OGFOD3: variants seen among roughly 807,000 people sequenced by gnomAD.
OGFOD3 encodes 2-oxoglutarate and iron-dependent oxygenase domain-containing protein 3.
A neutral mutation model predicts 39.8 loss-of-function variants in OGFOD3; 35 were observed. That is an observed-to-expected ratio of 0.88 (90% confidence interval 0.67 to 1.17). OGFOD3 has a LOEUF of 1.17. OGFOD3 is among the 50% of genes most tolerant of loss of function. The pLI, the probability that OGFOD3 is intolerant of heterozygous loss-of-function variation, is 0.00. For synonymous variants in OGFOD3, 200 were observed against 192.0 expected, an observed-to-expected ratio of 1.04 and a Z score of -0.34; for missense variants, 438 against 454.5, an observed-to-expected ratio of 0.96 and a Z score of 0.33.
At position 82,409,430 on chromosome 17, in the gene OGFOD3, C is replaced by T. The variant is rs762189090; in HGVS notation, c.381-20G>A. 1 of 1,613,156 alleles carries T rather than the reference C, an allele frequency of 6.2e-7. No homozygotes were observed. The highest frequency in any genetic ancestry group is 1.3e-5 in the African/African-American group (1 of 74,928). ...GCTACGCTGCAGGGAGAAAATAATTCAGAATTTCGTTGCTAGAATTGTCTA... is the reference window on the plus strand; with the variant it reads ...GCTACGCTGCAGGGAGAAAATAATTTAGAATTTCGTTGCTAGAATTGTCTA... On this transcript the variant is annotated intron_variant, in intron 3 of 8. Coordinates refer to ENST00000313056, the MANE Select transcript of OGFOD3 (RefSeq NM_024648.3).
intron 7 of OGFOD3, among the ~76,000 whole-genome samples, chr17:82,399,928 G>A (rs1158258200): frequency 6.6e-6 from 1 of 152,192 alleles, no homozygotes; most frequent in Non-Finnish European, 1.5e-5. Flanking sequence ...GGGGGATGGA[G>A]CCGCACCAGC....
In OGFOD3 at chr17:82,404,046, C is replaced by T. The variant is rs769273019; in HGVS notation, c.590G>A (p.Gly197Asp). Residue 197 changes from glycine (G) to aspartate (D), a missense_variant, in exon 7 of 9, where the codon GGC becomes GAC. By Grantham distance (94) the Gly-to-Asp change is moderately conservative. Transcript: ENST00000313056. The surrounding 1 kb of genome is among the most constrained non-coding windows in gnomAD (Gnocchi z 4.5). ...CAGATGCAGCGAGGATGCGCTGATGCCAAAAGCCTCAGCAATGGTGAGCTG... is the reference window on the plus strand; with the variant it reads ...CAGATGCAGCGAGGATGCGCTGATGTCAAAAGCCTCAGCAATGGTGAGCTG... ...KVQLTIAEAF[G>D]ISASSLHLTK... The T allele has an allele frequency of 4.3e-6, 7 of 1,609,472 alleles. No individual in the cohort carries two copies. The highest frequency in any genetic ancestry group is 4.2e-6 in the Non-Finnish European group (5 of 1,178,012).
At chr17:82,418,071 C>T (rs531269770) in intron 1 of OGFOD3, among the ~76,000 whole-genome samples, 1 of 152,244 alleles carries the variant, frequency 6.6e-6, no homozygotes. Context: ...ACTTTCCAGG[C>T]TGCTGGGTGG....
intron 8 of OGFOD3, among the ~76,000 whole-genome samples, chr17:82,397,114 T>C (rs2052684802): frequency 6.6e-6 from 1 of 151,998 alleles, no homozygotes; most frequent in Non-Finnish European, 1.5e-5. Context: ...CAAACTGAGC[T>C]TGCAAACTGA....
At chr17:82,401,822 A>AAAAAAAAC (rs2052771225) in intron 7 of OGFOD3, among the ~76,000 whole-genome samples, 1 of 144,702 alleles carries the variant, frequency 6.9e-6, no homozygotes, top group South Asian at 2.4e-4. Context: ...AAAAAAAAAA[A>AAAAAAAAC]ACAAAGACTG....
intron 8 of OGFOD3, among the ~76,000 whole-genome samples, chr17:82,394,761 G>A (rs2052646555): frequency 6.6e-6 from 1 of 152,190 alleles, no homozygotes; most frequent in Non-Finnish European, 1.5e-5. Context: ...CTTATGGTGG[G>A]ACGTGGGCCA....
chr17:82,392,339 C>T lies in OGFOD3; in HGVS notation c.*59G>A, dbSNP rs539756493. On this transcript the variant is annotated 3_prime_UTR_variant, in exon 9 of 9. Transcript: ENST00000313056. The surrounding 1 kb of genome is among the most constrained non-coding windows in gnomAD (Gnocchi z 4.2). ...GCGGGTGGACGTGGGGGTGGGTGCA[C>T]GACTGGCGCGGCTGCCTCCACACGG... 13 of 1,567,568 alleles carry T rather than the reference C, an allele frequency of 8.3e-6. No homozygotes were observed. The highest frequency in any genetic ancestry group is 5.4e-5 in the African/African-American group (4 of 74,228).
In OGFOD3 at chr17:82,404,671, T is replaced by A. The variant is rs1200019620; in HGVS notation, c.546-581A>T. On this transcript the variant is annotated intron_variant, in intron 6 of 8. Coordinates refer to ENST00000313056, the MANE Select transcript of OGFOD3 (RefSeq NM_024648.3). This position sits in a 1 kb window ranked among gnomAD's most constrained non-coding sequence, Gnocchi z 4.5. Reference sequence around the variant, plus strand: ...GGTCACTCATGTGTCCTGGGATGGTTGCGTGACTCTTAGCTCCTTTGCCCT... The same window carrying A: ...GGTCACTCATGTGTCCTGGGATGGTAGCGTGACTCTTAGCTCCTTTGCCCT... Among the ~76,000 whole-genome samples the A allele has an allele frequency of 6.6e-6, 1 of 151,728 alleles. No homozygotes were observed. Among genetic ancestry groups the A allele is most frequent in the Non-Finnish European group, 1.5e-5 (1 of 67,966 alleles).
In OGFOD3 at chr17:82,404,185, G is replaced by C; in HGVS notation, c.546-95C>G. 2.2e-6 allele frequency: 3 copies of C among 1,382,942 alleles called. No homozygotes were observed. The highest frequency in any genetic ancestry group is 2.9e-6 in the Non-Finnish European group (3 of 1,043,060). 85.7% of individuals were successfully genotyped at this position (1,382,942 alleles called of 1,614,324 possible). A position where few individuals can be genotyped will look rare whatever the true frequency, so the allele number is the denominator to read the frequency against. Reference sequence around the variant, plus strand: ...GGTGGCAGGAAAGGAACCAGCCTTCGTACGGCTCCGGGCCCGCGGGGCGGG... The same window carrying C: ...GGTGGCAGGAAAGGAACCAGCCTTCCTACGGCTCCGGGCCCGCGGGGCGGG... On this transcript the variant is annotated intron_variant, in intron 6 of 8. Coordinates refer to ENST00000313056, the MANE Select transcript of OGFOD3 (RefSeq NM_024648.3). The surrounding 1 kb of genome is among the most constrained non-coding windows in gnomAD (Gnocchi z 4.5).
chr17:82,403,814 G>T, intron 7 of OGFOD3, 123 bp downstream of exon 7: 1 of 1,351,230 alleles, frequency 7.4e-7, no homozygotes, highest in Non-Finnish European at 1.0e-6. Flanking sequence ...CACTCACCCT[G>T]CCCACGGGCA....
chr17:82,408,011 C>T (rs1272665064), intron 4 of OGFOD3, among the ~76,000 whole-genome samples: 1 of 152,146 alleles, frequency 6.6e-6, no homozygotes, highest in Non-Finnish European at 1.5e-5. Flanking sequence ...GGCATCATGG[C>T]ACATGCCTGT....
At chr17:82,413,878 CAAAAA>C (rs35623032) in intron 2 of OGFOD3, among the ~76,000 whole-genome samples, 1 of 109,820 alleles carries the variant, frequency 9.1e-6, no homozygotes. Context: ...ACACTCTGTC[CAAAAA>C]AAAAAAAAAG....
chr17:82,405,288 C>A (rs762764504), intron 6 of OGFOD3, 36 bp downstream of exon 6: 2 of 1,594,132 alleles, frequency 1.3e-6, no homozygotes, highest in South Asian at 2.2e-5. Context: ...CAGGCCACCC[C>A]GCCTGCGAAC....
chr17:82,394,977 G>C (rs529845020), intron 8 of OGFOD3, among the ~76,000 whole-genome samples: 5 of 152,268 alleles, frequency 3.3e-5, no homozygotes, highest in Admixed American at 3.3e-4. Flanking sequence ...GCTCACACCT[G>C]GTCACTCCTC....
At chr17:82,414,159 G>A (rs767982838) in intron 2 of OGFOD3, among the ~76,000 whole-genome samples, 6 of 151,876 alleles carry the variant, frequency 4.0e-5, no homozygotes, top group Admixed American at 1.3e-4. Context: ...TCAGGATCTC[G>A]CTCTGTCACC....
rs1456764019 is a variant in OGFOD3 at position 82,392,930 on chromosome 17, T to C, written c.824-396A>G. 5.7e-6 allele frequency: 1 copy of C among 174,922 alleles called. No individual in the cohort carries two copies. The highest frequency in any genetic ancestry group is 2.4e-5 in the African/African-American group (1 of 42,196). 10.8% of individuals were successfully genotyped at this position (174,922 alleles called of 1,614,324 possible). A position where few individuals can be genotyped will look rare whatever the true frequency, so the allele number is the denominator to read the frequency against. On this transcript the variant is annotated intron_variant, in intron 8 of 8. Transcript: ENST00000313056. The surrounding 1 kb of genome is among the most constrained non-coding windows in gnomAD (Gnocchi z 4.2). The stretch of plus-strand genomic sequence containing the variant: ...TTAGGATCTTATTTCTAATCACAGG[T>C]TGAGAACAAAAACCAAGCCCTGGGG...
chr17:82,406,170 C>T lies in OGFOD3; in HGVS notation c.488+248G>A, dbSNP rs1333984516. Among the ~76,000 whole-genome samples, 3 of 152,188 alleles carry T rather than the reference C, an allele frequency of 2.0e-5. No homozygotes were observed. The highest frequency in any genetic ancestry group is 2.0e-4 in the Admixed American group (3 of 15,276). ...TTCTGTCCCTGGGCCCACAAAAACA[C>T]CAGATTCCCCTAAAGCTTCATGAAC... On this transcript the variant is annotated intron_variant, in intron 5 of 8. Coordinates refer to ENST00000313056, the MANE Select transcript of OGFOD3 (RefSeq NM_024648.3). The surrounding 1 kb of genome is among the most constrained non-coding windows in gnomAD (Gnocchi z 5.2).
chr17:82,402,432 C>CA lies in OGFOD3; in HGVS notation c.699+1504dup, dbSNP rs1306690941. On this transcript the variant is annotated intron_variant, in intron 7 of 8. Transcript: ENST00000313056. ...CCTGGGCAACAGAACAAGACTGTCT[C>CA]AAAAAAAAAAAGAAAGAAAGAAAGA... 6.0e-3 allele frequency among the ~76,000 whole-genome samples: 820 copies of CA among 137,168 alleles called. 2 individuals are homozygous for CA. Among genetic ancestry groups the CA allele is most frequent in the African/African-American group, 0.018 (669 of 37,470 alleles). 90.0% of individuals were successfully genotyped at this position (137,168 alleles called of 152,430 possible).
chr17:82,404,282 G>A lies in OGFOD3; in HGVS notation c.546-192C>T, dbSNP rs745580795. ...ACGCGGCCCACAGCCCACGCACAGAGCAGCCAGAGGCAGGCGCAAGACCAC... is the reference window on the plus strand; with the variant it reads ...ACGCGGCCCACAGCCCACGCACAGAACAGCCAGAGGCAGGCGCAAGACCAC... On this transcript the variant is annotated intron_variant, in intron 6 of 8. Transcript: ENST00000313056. The surrounding 1 kb of genome is among the most constrained non-coding windows in gnomAD (Gnocchi z 4.5). 2.0e-5 allele frequency among the ~76,000 whole-genome samples: 3 copies of A among 152,188 alleles called. No individual in the cohort carries two copies. Among genetic ancestry groups the A allele is most frequent in the Non-Finnish European group, 2.9e-5 (2 of 68,022 alleles).
Sources: allele counts gnomAD v4.1 joint callset (sites outside exome capture counted in the v4.1 genomes callset), GRCh38; gene constraint gnomAD v4.1.1; non-coding constraint Gnocchi (gnomAD v3.1); transcripts MANE v1.5; gene names NCBI Gene and HGNC (gene_info 2026-07-23, HGNC 2026-07-21).